The following PLD5 variants were observed in gnomAD, a reference collection of about 807,000 sequenced individuals.
PLD5 encodes the protein inactive phospholipase D5.
In PLD5, 36 loss-of-function variants were observed where a neutral mutation model predicts 61.1. That is an observed-to-expected ratio of 0.59 (90% confidence interval 0.45 to 0.78). The LOEUF (loss-of-function observed/expected upper bound fraction) is 0.78, where lower values mean the gene tolerates loss of function less well. PLD5 is among the 30% of genes least tolerant of loss of function. PLD5 has a pLI of 0.00. For missense variants in PLD5, 515 were observed against 644.4 expected, an observed-to-expected ratio of 0.80 and a Z score of 2.17; for synonymous variants, 243 against 242.8, an observed-to-expected ratio of 1.00 and a Z score of -0.01.
chr1:242,179,608 T>A (rs1298937033), intron 5 of PLD5, among the ~76,000 whole-genome samples: 1 of 152,114 alleles, frequency 6.6e-6, no homozygotes, highest in Non-Finnish European at 1.5e-5. Context: ...ATAGGTAGAA[T>A]TGAGTGTGTA....
intron 3 of PLD5, among the ~76,000 whole-genome samples, chr1:242,270,955 G>A (rs1487211007): frequency 2.0e-5 from 3 of 152,032 alleles, no homozygotes; most frequent in Non-Finnish European, 4.4e-5. Context: ...TAACACAATG[G>A]GGACCTGGTG....
rs1390953032 is a variant in PLD5 at position 242,124,450 on chromosome 1, A to G, written c.933+18T>C. ...GGAGGAAGAAGGAGAAGGGGAGGAG[A>G]AAGGGAAAACAACTCACCGATACAA... is the stretch of plus-strand genomic sequence containing the variant. On this transcript the variant is annotated intron_variant, in intron 6 of 9. Coordinates refer to ENST00000536534, the MANE Select transcript of PLD5 (RefSeq NM_001372062.1). 2 of 1,608,368 alleles carry G rather than the reference A, an allele frequency of 1.2e-6. No individual in the cohort carries two copies. Among genetic ancestry groups the G allele is most frequent in the South Asian group, 1.1e-5 (1 of 90,702 alleles).
chr1:242,489,694 G>C (rs1444960664), intron 1 of PLD5, among the ~76,000 whole-genome samples: 1 of 152,166 alleles, frequency 6.6e-6, no homozygotes, highest in African/African-American at 2.4e-5. Context: ...GAAGGGAAAG[G>C]GAGGGACATG....
chr1:242,387,821 T>C (rs1662689083), intron 1 of PLD5, among the ~76,000 whole-genome samples: 2 of 151,790 alleles, frequency 1.3e-5, no homozygotes, highest in Admixed American at 6.6e-5. Context: ...CAATAAAAAG[T>C]ATGGACAACT....
intron 2 of PLD5, among the ~76,000 whole-genome samples, chr1:242,347,623 AC>A (rs1660211936): frequency 6.6e-6 from 1 of 152,190 alleles, no homozygotes; most frequent in Non-Finnish European, 1.5e-5. Context: ...TAGATTAAAA[AC>A]AAACTGTGTG....
intron 1 of PLD5, among the ~76,000 whole-genome samples, chr1:242,355,681 G>A (rs1660714027): frequency 6.6e-6 from 1 of 151,318 alleles, no homozygotes; most frequent in Non-Finnish European, 1.5e-5. Context: ...TTTTCTTAAG[G>A]TGTAACATTA....
chr1:242,305,935 G>A (rs1239047401), intron 2 of PLD5, among the ~76,000 whole-genome samples: 1 of 152,190 alleles, frequency 6.6e-6, no homozygotes, highest in Non-Finnish European at 1.5e-5. Flanking sequence ...GTAGAGAGGA[G>A]AAGGTCCTCA....
At chr1:242,444,678 A>C (rs1045049454) in intron 1 of PLD5, among the ~76,000 whole-genome samples, 1 of 19,796 alleles carries the variant, frequency 5.1e-5, no homozygotes, top group Admixed American at 3.7e-4. Context: ...TATACATAAT[A>C]TAAATATTTA....
intron 4 of PLD5, among the ~76,000 whole-genome samples, chr1:242,251,607 T>G (rs1672707645): frequency 1.3e-5 from 2 of 151,736 alleles, no homozygotes; most frequent in African/African-American, 4.8e-5. Context: ...CAGTGGTGCA[T>G]AAACCTGAAC....
chr1:242,393,712 A>G (rs1663134044), intron 1 of PLD5, among the ~76,000 whole-genome samples: 1 of 146,530 alleles, frequency 6.8e-6, no homozygotes. Flanking sequence ...ATGTGTGTAT[A>G]TATGAGTATA....
intron 1 of PLD5, among the ~76,000 whole-genome samples, chr1:242,445,041 G>C (rs1273418799): frequency 6.6e-6 from 1 of 152,054 alleles, no homozygotes; most frequent in Non-Finnish European, 1.5e-5. Flanking sequence ...GCACTGCTGT[G>C]GTGTGAATAT....
intron 5 of PLD5, among the ~76,000 whole-genome samples, chr1:242,173,868 C>G (rs935889901): frequency 1.3e-5 from 2 of 152,086 alleles, no homozygotes; most frequent in African/African-American, 2.4e-5. Flanking sequence ...AAACTGGATC[C>G]CTTCCTTACA....
chr1:242,470,426 G>C (rs953482085), intron 1 of PLD5, among the ~76,000 whole-genome samples: 14 of 151,924 alleles, frequency 9.2e-5, no homozygotes, highest in African/African-American at 3.4e-4. Context: ...AATCCTACTG[G>C]CCTGGGTTTG....
At chr1:242,215,838 A>T (rs892600532) in intron 5 of PLD5, among the ~76,000 whole-genome samples, 2 of 152,208 alleles carry the variant, frequency 1.3e-5, no homozygotes, top group African/African-American at 4.8e-5. Flanking sequence ...TTCACTCCAG[A>T]TAATTGTTCC....
intron 1 of PLD5, among the ~76,000 whole-genome samples, chr1:242,512,130 G>T (rs932449417): frequency 1.3e-5 from 2 of 152,038 alleles, no homozygotes; most frequent in Non-Finnish European, 2.9e-5. Flanking sequence ...TGGTGGGTTT[G>T]GTTGGGTGCG....
intron 1 of PLD5, among the ~76,000 whole-genome samples, chr1:242,372,265 C>T (rs1445564163): frequency 6.6e-6 from 1 of 152,160 alleles, no homozygotes; most frequent in Non-Finnish European, 1.5e-5. Flanking sequence ...TTTCCACACA[C>T]CAGCAGGATG....
At chr1:242,338,417 A>G (rs1284881623) in intron 2 of PLD5, among the ~76,000 whole-genome samples, 1 of 151,960 alleles carries the variant, frequency 6.6e-6, no homozygotes, top group Admixed American at 6.6e-5. Flanking sequence ...AACACTACTC[A>G]TGATTATCAG....
intron 5 of PLD5, chr1:242,188,840 G>A (rs1668066251): frequency 6.6e-6 from 1 of 152,164 alleles, no homozygotes; most frequent in South Asian, 2.1e-4. Context: ...AATTCACACA[G>A]ATTGAAGGTG....
intron 5 of PLD5, among the ~76,000 whole-genome samples, chr1:242,137,365 C>T (rs1478782448): frequency 6.6e-6 from 1 of 152,176 alleles, no homozygotes; most frequent in African/African-American, 2.4e-5. Context: ...ACATACTTTC[C>T]TACTTTCTCT....
Sources: allele counts gnomAD v4.1 joint callset (sites outside exome capture counted in the v4.1 genomes callset), GRCh38; gene constraint gnomAD v4.1.1; transcripts MANE v1.5; gene names NCBI Gene and HGNC (gene_info 2026-07-23, HGNC 2026-07-21).